PRPF31: variants seen among roughly 807,000 people sequenced by gnomAD.
PRPF31 encodes pre-mRNA processing factor 31.
PRPF31 carries 12 observed loss-of-function variants against 60.4 expected under a neutral mutation model. The ratio of observed to expected loss-of-function variants is 0.20; its 90% CI spans 0.13 to 0.32. The LOEUF (loss-of-function observed/expected upper bound fraction) is 0.32. Ranked by LOEUF, PRPF31 falls within the 10% of genes least tolerant of loss-of-function variation. The pLI is 1.00. For synonymous variants in PRPF31, 287 were observed against 287.9 expected (o/e 1.00, Z 0.03); for missense variants, 431 against 687.1 (o/e 0.63, Z 4.17).
At chr19:54,124,827 G>C in intron 8 of PRPF31, 171 bp downstream of exon 8, 3 of 758,782 alleles carry the variant, frequency 4.0e-6, no homozygotes, top group Non-Finnish European at 2.2e-6. Flanking sequence ...ACCAGCTCCA[G>C]CACCCACCAG....
intron 8 of PRPF31, among the ~76,000 whole-genome samples, chr19:54,125,966 C>T (rs1354203219): frequency 6.6e-6 from 1 of 152,252 alleles, no homozygotes; most frequent in Admixed American, 6.5e-5. Flanking sequence ...GGCCATCTCA[C>T]ATCGGTCCAG....
intron 8 of PRPF31, among the ~76,000 whole-genome samples, chr19:54,126,052 C>T (rs2073912935): frequency 1.3e-5 from 2 of 152,216 alleles, no homozygotes; most frequent in South Asian, 4.1e-4. Context: ...GACAGCTGGG[C>T]TCTGTTTGCA....
At chr19:54,120,401 A>G (rs966793309) in intron 3 of PRPF31, 6 of 152,196 alleles carry the variant, frequency 3.9e-5, no homozygotes, top group African/African-American at 1.4e-4. Flanking sequence ...TGCTGCGGGT[A>G]CACAGAGGAG....
chr19:54,123,587 G>A (rs752883202), intron 6 of PRPF31, 27 bp downstream of exon 6: 1 of 1,610,228 alleles, frequency 6.2e-7, no homozygotes, highest in Non-Finnish European at 8.5e-7. Context: ...GGAGGCGCCG[G>A]GCCCTAATGG....
rs1322910824 is a variant in PRPF31 at position 54,131,486 on chromosome 19, C to G, written c.*54C>G. 6.2e-7 allele frequency: 1 copy of G among 1,606,560 alleles called. No homozygotes were observed. Among genetic ancestry groups the G allele is most frequent in the African/African-American group, 1.3e-5 (1 of 74,740 alleles). On this transcript the variant is annotated 3_prime_UTR_variant, in exon 14 of 14. Coordinates refer to ENST00000321030, the MANE Select transcript of PRPF31 (RefSeq NM_015629.4). Reference sequence around the variant, plus strand: ...CACTGAAGGGACACAGAGGTCCAGTCCTTCTGAAGGGCTAGGATCGGGTTC... The same window carrying G: ...CACTGAAGGGACACAGAGGTCCAGTGCTTCTGAAGGGCTAGGATCGGGTTC...
At chr19:54,129,208 G>A in intron 12 of PRPF31, 23 bp downstream of exon 12, 1 of 1,594,650 alleles carries the variant, frequency 6.3e-7, no homozygotes, top group South Asian at 1.1e-5. Flanking sequence ...CCCAGGTGGG[G>A]CTGGGGACCG....
chr19:54,118,748 C>CA, intron 3 of PRPF31, 115 bp downstream of exon 3: 3 of 882,146 alleles, frequency 3.4e-6, no homozygotes, highest in East Asian at 2.9e-5. Context: ...CCAGAGCCTT[C>CA]TTTTTTTTTT....
At chr19:54,127,019 C>T (rs2073937942) in intron 9 of PRPF31, among the ~76,000 whole-genome samples, 1 of 152,178 alleles carries the variant, frequency 6.6e-6, no homozygotes, top group South Asian at 2.1e-4. Flanking sequence ...ACTCAGGAGG[C>T]TGAGGCAGGA....
At position 54,126,538 on chromosome 19, in the gene PRPF31, G is replaced by A. The variant is rs587678197; in HGVS notation, c.866G>A (p.Arg289Gln). 35 of 1,613,314 alleles carry A rather than the reference G, an allele frequency of 2.2e-5. No homozygotes were observed. The highest frequency in any genetic ancestry group is 4.4e-5 in the South Asian group (4 of 90,928). Residue 289 changes from arginine (R) to glutamine (Q), a missense_variant, in exon 9 of 14, where the codon CGG becomes CAG. Coordinates refer to ENST00000321030, the MANE Select transcript of PRPF31 (RefSeq NM_015629.4). ...IVQSLPPDLR[R>Q]KAARLVAAKC... ...TTTCCGTTGCTCCAGGATCTGCGGC[G>A]GAAAGCGGCCCGGCTGGTGGCCGCC...
intron 11 of PRPF31, among the ~76,000 whole-genome samples, 173 bp from the exon 12 acceptor site, chr19:54,128,884 C>T (rs587598425): frequency 1.3e-5 from 2 of 152,322 alleles, no homozygotes; most frequent in African/African-American, 4.8e-5. Flanking sequence ...CCCCAGCATC[C>T]CCCGCGTGTG....
chr19:54,119,483 G>A (rs977258282), intron 3 of PRPF31: 8 of 150,732 alleles, frequency 5.3e-5, no homozygotes, highest in Non-Finnish European at 7.4e-5. Flanking sequence ...GGGCAGTCCT[G>A]TTACCATTCC....
intron 7 of PRPF31, 152 bp downstream of exon 7, chr19:54,124,070 A>G (rs1210148228): frequency 6.9e-7 from 1 of 1,455,316 alleles, no homozygotes; most frequent in East Asian, 2.5e-5. Context: ...AGCCTGGCAC[A>G]CAGCAAAGCC....
At chr19:54,129,002 G>A in intron 11 of PRPF31, 55 bp from the exon 12 acceptor site, 2 of 1,531,542 alleles carry the variant, frequency 1.3e-6, no homozygotes, top group Non-Finnish European at 1.8e-6. Context: ...GTGCCTCGGT[G>A]GCTGGAGGGC....
chr19:54,126,456 G>A (rs587688838), intron 8 of PRPF31, 72 bp from the exon 9 acceptor site: 63 of 1,432,396 alleles, frequency 4.4e-5, no homozygotes, highest in East Asian at 9.8e-5. Context: ...GGAGGAGCGC[G>A]CGCGGTTGCT....
intron 7 of PRPF31, 109 bp from the exon 8 acceptor site, chr19:54,124,390 C>G: frequency 9.5e-7 from 1 of 1,057,358 alleles, no homozygotes; most frequent in East Asian, 2.4e-5. Context: ...CCAACCAGAA[C>G]TTCATGTAAA....
chr19:54,129,062 G>A lies in PRPF31; in HGVS notation c.1152G>A (p.Glu384=), dbSNP rs909897610. ...GCGCCTCCTCTCCCCCCTAGATCGA[G>A]GAGGACGCCTACCAGGAGGACCTGG... ...QANRMSFGEI[E]EDAYQEDLGF... The change falls in exon 12 of 14, where the codon GAG becomes GAA. Residue 384 remains glutamate (E), a synonymous_variant. Transcript: ENST00000321030. 6.4e-6 allele frequency: 10 copies of A among 1,572,920 alleles called. No homozygotes were observed. The highest frequency in any genetic ancestry group is 8.6e-6 in the Non-Finnish European group (10 of 1,160,190).
Position 54,124,910 on chromosome 19 carries a change from G to A in PRPF31, c.855+254G>A, listed in dbSNP as rs183914318. ...CTCCCCTATCAAATGGGAGCACAGC[G>A]CCTGCTTCATGAGTTGGGACGAGGG... On this transcript the variant is annotated intron_variant, in intron 8 of 13. Coordinates refer to ENST00000321030, the MANE Select transcript of PRPF31 (RefSeq NM_015629.4). 53 of 594,344 alleles carry A rather than the reference G, an allele frequency of 8.9e-5. No individual in the cohort carries two copies. In the East Asian group the frequency reaches 1.0e-3, roughly 12 times the overall value. 36.8% of individuals were successfully genotyped at this position (594,344 alleles called of 1,614,324 possible).
At chr19:54,124,985 G>A in intron 8 of PRPF31, 1 of 488,078 alleles carries the variant, frequency 2.0e-6, no homozygotes, top group Non-Finnish European at 3.8e-6. Flanking sequence ...ACGACAAGCA[G>A]CGTCGGGTTA....
rs375500803 is a variant in PRPF31, at chr19:54,123,738, C to A, written c.528-11C>A. The A allele has an allele frequency of 6.2e-7, 1 of 1,605,276 alleles. No homozygotes were observed. The highest frequency in any genetic ancestry group is 1.3e-5 in the African/African-American group (1 of 74,946). On this transcript the variant is annotated splice_polypyrimidine_tract_variant and intron_variant, in intron 6 of 13. Coordinates refer to ENST00000321030, the MANE Select transcript of PRPF31 (RefSeq NM_015629.4). ...GGAGACCCAGGAGGCTGGGCCCACC[C>A]GCCCCTGCAGGCAGCAGCTGTCGGA... is the stretch of plus-strand genomic sequence containing the variant.
Sources: gnomAD v4.1 joint callset for allele counts (sites outside exome capture counted in the v4.1 genomes callset) on GRCh38, gnomAD v4.1.1 for gene constraint, MANE v1.5 for transcripts, NCBI Gene and HGNC (gene_info 2026-07-23, HGNC 2026-07-21) for gene names.